Variants in BBS2 observed in about 807,000 individuals in gnomAD.
BBS2 encodes Bardet-Biedl syndrome 2.
In BBS2, 62 loss-of-function variants were observed where a neutral mutation model predicts 83.0. That is an observed-to-expected ratio of 0.75 (90% CI 0.61 to 0.92). The LOEUF is 0.92. Among genes scored for constraint, BBS2 ranks in the 40% least tolerant of loss-of-function variants. The pLI is 0.00. For missense variants in BBS2, 784 were observed against 901.0 expected, an observed-to-expected ratio of 0.87 and a Z score of 1.66; for synonymous variants, 303 against 326.1, an observed-to-expected ratio of 0.93 and a Z score of 0.76.
exon 18 of BBS2, chr16:56,470,625 AGAT>A (rs1442566529): frequency 6.2e-7 from 1 of 1,614,208 alleles, no homozygotes; most frequent in Non-Finnish European, 8.5e-7. Context: ...CTTCGGAAGA[AGAT>A]GAGATGAATG....
intron 4 of BBS2, among the ~76,000 whole-genome samples, chr16:56,510,396 G>A (rs186904365): frequency 7.9e-5 from 12 of 152,246 alleles, no homozygotes; most frequent in Non-Finnish European, 1.3e-4. Flanking sequence ...GGGGCAAGTC[G>A]GTGCCCAACA....
chr16:56,494,929 T>A (rs1179093987), intron 15 of BBS2, among the ~76,000 whole-genome samples: 4 of 144,308 alleles, frequency 2.8e-5, no homozygotes, highest in African/African-American at 1.1e-4. Context: ...ACCACTGCAC[T>A]CCAGCCTGGG....
chr16:56,499,524 G>T, intron 12 of BBS2: 1 of 434,720 alleles, frequency 2.3e-6, no homozygotes, highest in South Asian at 2.1e-5. Flanking sequence ...GACCATAACG[G>T]AAAGAGAGGA....
At chr16:56,478,458 G>C (rs1963573313) in intron 17 of BBS2, 1 of 152,178 alleles carries the variant, frequency 6.6e-6, no homozygotes, top group African/African-American at 2.4e-5. Context: ...GTCACAGCTT[G>C]CCTTTTCTAT....
chr16:56,502,308 T>C lies in BBS2; in HGVS notation c.1080+9A>G, dbSNP rs1389833648. ...TCCATTACCTGGTCACATTAGGACCTACACCTACCTTGGCATTTTCCTCAT... is the reference window on the plus strand; with the variant it reads ...TCCATTACCTGGTCACATTAGGACCCACACCTACCTTGGCATTTTCCTCAT... On this transcript the variant is annotated intron_variant, in intron 9 of 16. Transcript: ENST00000245157. 3.7e-6 allele frequency: 6 copies of C among 1,614,080 alleles called. No homozygotes were observed. The highest frequency in any genetic ancestry group is 5.1e-6 in the Non-Finnish European group (6 of 1,180,022).
At chr16:56,505,902 G>A (rs1300485679) in intron 7 of BBS2, 48 bp downstream of exon 7, 1 of 1,431,026 alleles carries the variant, frequency 7.0e-7, no homozygotes, top group South Asian at 1.2e-5. Context: ...ATACACCTTG[G>A]ACAATTACTA....
At chr16:56,475,093 T>C in intron 17 of BBS2, 1 of 847,520 alleles carries the variant, frequency 1.2e-6, no homozygotes, top group Non-Finnish European at 1.8e-6. Flanking sequence ...TCAAAGGGAT[T>C]TTACGGGTCA....
chr16:56,498,737 C>A, intron 12 of BBS2, 169 bp from the exon 13 acceptor site: 1 of 1,507,122 alleles, frequency 6.6e-7, no homozygotes. Flanking sequence ...CTTCATCCCA[C>A]ACCAAGAAAA....
chr16:56,519,712 G>C (rs376396020), intron 1 of BBS2, 34 bp downstream of exon 1: 1 of 1,552,236 alleles, frequency 6.4e-7, no homozygotes, highest in Admixed American at 1.7e-5. Context: ...GTGGTTCCCT[G>C]GGGCCCGGGC....
intron 1 of BBS2, chr16:56,519,543 G>A: frequency 3.5e-6 from 2 of 577,512 alleles, no homozygotes; most frequent in Non-Finnish European, 6.2e-6. Flanking sequence ...CTGATGACAA[G>A]AAAACGTCAA....
In BBS2 at chr16:56,498,494, A is replaced by C. The variant is rs747228782; in HGVS notation, c.1602T>G (p.Cys534Trp). Residue 534 changes from cysteine to tryptophan, a missense_variant, in exon 13 of 17, where the codon TGT becomes TGG. By Grantham distance (215) the Cys-to-Trp change is radical (BLOSUM62 -2). Transcript: ENST00000245157. ...GGCCGCCATTCCGTAAAGATGTGAAACACACTTGAAATGGAGCATTCTGAA... is the reference window on the plus strand; with the variant it reads ...GGCCGCCATTCCGTAAAGATGTGAACCACACTTGAAATGGAGCATTCTGAA... ...THIQNAPFQV[C>W]FTSLRNGGHL... 15 of 1,613,974 alleles carry C rather than the reference A, an allele frequency of 9.3e-6. No homozygotes were observed. In the African/African-American group the frequency reaches 2.0e-4, roughly 22 times the overall value.
At chr16:56,470,667 C>T (rs536261215) in exon 18 of BBS2, 1 of 1,614,136 alleles carries the variant, frequency 6.2e-7, no homozygotes, top group East Asian at 2.2e-5. Context: ...CCACTGATAT[C>T]ACTGAAGAAG....
At chr16:56,470,769 A>G (rs1483058069) in intron 17 of BBS2, 11 of 1,598,152 alleles carry the variant, frequency 6.9e-6, no homozygotes, top group Non-Finnish European at 9.4e-6. Flanking sequence ...ACCCAGAGCC[A>G]GAGGAAAATG....
chr16:56,500,666 C>T, intron 11 of BBS2, 188 bp downstream of exon 11: 1 of 537,470 alleles, frequency 1.9e-6, no homozygotes, highest in Non-Finnish European at 3.3e-6. Context: ...ACTTACATAT[C>T]AGTTTTTCCA....
downstream of BBS2, among the ~76,000 whole-genome samples, chr16:56,482,115 C>A (rs1357478678): frequency 6.6e-6 from 1 of 152,106 alleles, no homozygotes; most frequent in Non-Finnish European, 1.5e-5. Context: ...AACAGAGTGA[C>A]CTTTGATGAG....
chr16:56,502,156 G>T (rs1964293307), intron 9 of BBS2, 161 bp downstream of exon 9: 2 of 958,490 alleles, frequency 2.1e-6, no homozygotes, highest in African/African-American at 1.6e-5. Context: ...ACCTGGAAAT[G>T]AAATTTCAAG....
At chr16:56,494,399 G>A (rs1964054035) in intron 15 of BBS2, among the ~76,000 whole-genome samples, 1 of 151,740 alleles carries the variant, frequency 6.6e-6, no homozygotes, top group South Asian at 2.1e-4. Flanking sequence ...CTAGCTCTAC[G>A]CATTGAAAAG....
chr16:56,501,733 T>C, intron 9 of BBS2: 1 of 556,216 alleles, frequency 1.8e-6, no homozygotes. Context: ...CTGTATCCCA[T>C]CATGACTTTA....
At chr16:56,511,436 G>A (rs536993775) in intron 2 of BBS2, 152 bp from the exon 3 acceptor site, 25 of 951,188 alleles carry the variant, frequency 2.6e-5, no homozygotes, top group Middle Eastern at 4.4e-4. Flanking sequence ...ACTGGCCCAC[G>A]CACATATGGA....
Sources: allele counts gnomAD v4.1 joint callset (sites outside exome capture counted in the v4.1 genomes callset), GRCh38; gene constraint gnomAD v4.1.1; transcripts MANE v1.5; gene names NCBI Gene and HGNC (gene_info 2026-07-23, HGNC 2026-07-21).